The following AKR1B15 variants were observed in gnomAD, a reference collection of about 807,000 sequenced individuals.
AKR1B15 encodes aldo-keto reductase family 1 member B15, also known as estradiol 17-beta-dehydrogenase AKR1B15.
Under a neutral mutation model 38.5 loss-of-function variants are expected in AKR1B15, and 49 were observed. The observed-to-expected ratio is 1.27, with a 90% confidence interval of 1.01 to 1.62. The LOEUF is 1.62. Among genes scored for constraint, AKR1B15 ranks in the 40% most tolerant of loss-of-function variants. The pLI is 0.00. For synonymous variants in AKR1B15, 137 were observed against 135.5 expected (o/e 1.01, Z -0.08); for missense variants, 411 against 381.6 (o/e 1.08, Z -0.64).
chr7:134,575,345 C>CAGGGA, intron 6 of AKR1B15, 75 bp from the exon 7 acceptor site: 1 of 1,554,424 alleles, frequency 6.4e-7, no homozygotes, highest in Non-Finnish European at 8.7e-7. Context: ...ATTTCTGCCC[C>CAGGGA]AGGGAAGACT....
Position 134,556,793 on chromosome 7 carries a change from G to A in AKR1B15, c.-89G>A, listed in dbSNP as rs565227137. ...TTCTAGCTGGCCTTAGCATAGCTAC[G>A]TCAGCAGCTATTGGCACGACTGCCC... On this transcript the variant is annotated 5_prime_UTR_variant, in exon 2 of 12. Transcript: ENST00000457545. 5.3e-5 allele frequency: 8 copies of A among 152,234 alleles called. No homozygotes were observed. The highest frequency in any genetic ancestry group is 4.2e-4 in the South Asian group (2 of 4,814). The allele number at this position is 152,234 out of a possible 1,614,324, so 9.4% of individuals were successfully genotyped here. A position where few individuals can be genotyped will look rare whatever the true frequency, so the allele number is the denominator to read the frequency against.
chr7:134,569,611 A>G, intron 5 of AKR1B15, 82 bp downstream of exon 5: 1 of 1,385,438 alleles, frequency 7.2e-7, no homozygotes, highest in Non-Finnish European at 1.0e-6. Flanking sequence ...GACTGGCTGA[A>G]GCCATGGCAG....
intron 2 of AKR1B15, 57 bp from the exon 3 acceptor site, chr7:134,564,540 TA>T: frequency 1.6e-6 from 1 of 613,700 alleles, no homozygotes. Context: ...GCCATCTTGC[TA>T]TTACTCACCT....
rs987332711 is a variant in AKR1B15, at chr7:134,579,769, A to G, written c.*220A>G. ...GCATGGCCTGAATAAGCAAATGACA[A>G]TTTTTTCCACTTATCTGATCTGATC... On this transcript the variant is annotated 3_prime_UTR_variant, in exon 12 of 12. Coordinates refer to ENST00000457545, the MANE Select transcript of AKR1B15 (RefSeq NM_001080538.3). The G allele has an allele frequency of 6.1e-6, 3 of 492,854 alleles. No individual in the cohort carries two copies. Among genetic ancestry groups the G allele is most frequent in the South Asian group, 3.9e-5 (1 of 25,642 alleles). 30.5% of individuals were successfully genotyped at this position (492,854 alleles called of 1,614,324 possible).
chr7:134,555,153 C>T (rs1268443899), intron 1 of AKR1B15, among the ~76,000 whole-genome samples: 1 of 152,178 alleles, frequency 6.6e-6, no homozygotes, highest in Non-Finnish European at 1.5e-5. Context: ...ATCTCACAAG[C>T]TAACTTGTTA....
intron 5 of AKR1B15, 163 bp downstream of exon 5, chr7:134,569,692 C>G (rs562045253): frequency 1.5e-6 from 1 of 682,842 alleles, no homozygotes; most frequent in African/African-American, 1.8e-5. Context: ...TAATTTCTTA[C>G]GCCTGTCTTT....
intron 1 of AKR1B15, among the ~76,000 whole-genome samples, chr7:134,555,463 A>T (rs1411743367): frequency 6.6e-6 from 1 of 152,140 alleles, no homozygotes; most frequent in Non-Finnish European, 1.5e-5. Flanking sequence ...AGCCTAGGCC[A>T]GGCCCCTTAA....
At chr7:134,574,997 G>A (rs1794732985) in intron 6 of AKR1B15, among the ~76,000 whole-genome samples, 6 of 152,018 alleles carry the variant, frequency 3.9e-5, no homozygotes, top group Admixed American at 3.9e-4. Context: ...CCCAGGTTTG[G>A]GTGTACAATG....
intron 11 of AKR1B15, among the ~76,000 whole-genome samples, chr7:134,578,866 A>G (rs1411813614): frequency 6.6e-6 from 1 of 152,206 alleles, no homozygotes; most frequent in African/African-American, 2.4e-5. Context: ...GGAAGGGTGA[A>G]CATAAGATGT....
At chr7:134,560,516 A>G (rs1277451346) in intron 2 of AKR1B15, among the ~76,000 whole-genome samples, 1 of 152,246 alleles carries the variant, frequency 6.6e-6, no homozygotes, top group African/African-American at 2.4e-5. Flanking sequence ...ACACGAAAAC[A>G]GCTAATAGAT....
rs530185867 is a variant in AKR1B15, at chr7:134,577,465, G to A, written c.910-239G>A. Among the ~76,000 whole-genome samples, 5 of 152,316 alleles carry A rather than the reference G, an allele frequency of 3.3e-5. No homozygotes were observed. In the South Asian group the frequency reaches 1.0e-3, roughly 32 times the overall value. ...AGCACAGGGCCTGTGCACGCCTGGG[G>A]TTTAGTGCCTGTGAGCCTGGTCTCC... On this transcript the variant is annotated intron_variant, in intron 10 of 11. Transcript: ENST00000457545.
intron 2 of AKR1B15, among the ~76,000 whole-genome samples, chr7:134,563,012 C>T (rs373781836): frequency 6.6e-6 from 1 of 151,538 alleles, no homozygotes; most frequent in African/African-American, 2.4e-5. Context: ...CCTCCCTCCC[C>T]CAACTCTTCT....
At chr7:134,573,520 A>G in intron 6 of AKR1B15, 1 of 985,418 alleles carries the variant, frequency 1.0e-6, no homozygotes, top group South Asian at 4.7e-5. Context: ...CTGATTTGAA[A>G]CGAGCATGCT....
In AKR1B15 at chr7:134,575,486, C is replaced by T. The variant is rs559180903; in HGVS notation, c.580C>T (p.Gln194Ter). The T allele has an allele frequency of 1.4e-5, 23 of 1,613,882 alleles. 1 individual carries two copies. The South Asian group carries it at 2.2e-4, about 15-fold the overall frequency. Reference protein sequence around the residue: ...ALGVSNFNHFQIERLLNKPGL... With the variant: ...ALGVSNFNHF ...TGGGGTCTCAAATTTCAACCACTTCCAGATCGAGAGGCTCTTGAACAAACC... is the reference window on the plus strand; with the variant it reads ...TGGGGTCTCAAATTTCAACCACTTCTAGATCGAGAGGCTCTTGAACAAACC... Residue 194 changes from glutamine (Q) to a stop codon, truncating the protein, a stop_gained, in exon 7 of 12, where the codon CAG (glutamine) becomes TAG (stop). Transcript: ENST00000457545. LOFTEE classifies it high-confidence loss of function.
chr7:134,570,743 G>A (rs192965768), intron 5 of AKR1B15, among the ~76,000 whole-genome samples: 1 of 152,184 alleles, frequency 6.6e-6, no homozygotes, highest in South Asian at 2.1e-4. Flanking sequence ...GGGAATGGCA[G>A]GTGGTCAGGA....
chr7:134,570,860 A>G (rs1464815377), intron 5 of AKR1B15, among the ~76,000 whole-genome samples: 3 of 152,194 alleles, frequency 2.0e-5, no homozygotes, highest in Non-Finnish European at 4.4e-5. Flanking sequence ...CTGAGAGAAG[A>G]CATGATTTCT....
In AKR1B15 at chr7:134,568,160, T is replaced by C. The variant is rs1006481279; in HGVS notation, c.153T>C (p.Ser51=). ...TGGGCTTTTCTTTTGCTTTTCAGTC[T>C]CTTCTCGGCAAAGTGAAAGAAGCGG... The part of the protein sequence containing the change: ...AGPLLRPYPA[S]LLGKVKEAVK... Residue 51 remains serine (S), a splice_region_variant and synonymous_variant, in exon 4 of 12, where the codon TCT becomes TCC. Coordinates refer to ENST00000457545, the MANE Select transcript of AKR1B15 (RefSeq NM_001080538.3). 1 of 1,614,000 alleles carries C rather than the reference T, an allele frequency of 6.2e-7. No individual in the cohort carries two copies. The highest frequency in any genetic ancestry group is 1.1e-5 in the South Asian group (1 of 91,072).
chr7:134,550,922 T>C (rs1793946128), intron 1 of AKR1B15, among the ~76,000 whole-genome samples: 1 of 152,174 alleles, frequency 6.6e-6, no homozygotes, highest in Non-Finnish European at 1.5e-5. Flanking sequence ...TGGTGGGTCG[T>C]TGTTGGAACT....
chr7:134,563,974 T>C (rs1046879511), intron 2 of AKR1B15, among the ~76,000 whole-genome samples: 13 of 152,026 alleles, frequency 8.6e-5, no homozygotes, highest in African/African-American at 2.9e-4. Context: ...ATTCTTCTTC[T>C]GTGGAATGTC....
Sources: allele counts gnomAD v4.1 joint callset (sites outside exome capture counted in the v4.1 genomes callset), GRCh38; gene constraint gnomAD v4.1.1; transcripts MANE v1.5; gene names NCBI Gene and HGNC (gene_info 2026-07-23, HGNC 2026-07-21).